SMAD1: variants seen among roughly 807,000 people sequenced by gnomAD.
The protein encoded by SMAD1 is MAD, mothers against decapentaplegic homolog 1.
A neutral mutation model predicts 41.6 loss-of-function variants in SMAD1; 6 were observed. The ratio of observed to expected loss-of-function variants is 0.14; its 90% CI spans 0.08 to 0.28. The LOEUF (loss-of-function observed/expected upper bound fraction) is 0.28, where lower values mean the gene tolerates loss of function less well. SMAD1 is among the 10% of genes least tolerant of loss of function. The pLI is 1.00. For synonymous variants in SMAD1, 206 were observed against 203.2 expected, an observed-to-expected ratio of 1.01 and a Z score of -0.12; for missense variants, 379 against 582.6, an observed-to-expected ratio of 0.65 and a Z score of 3.60.
At chr4:145,556,035 A>G (rs1199193331) in intron 6 of SMAD1, among the ~76,000 whole-genome samples, 1 of 152,242 alleles carries the variant, frequency 6.6e-6, no homozygotes, top group African/African-American at 2.4e-5. Flanking sequence ...TATTATAAGG[A>G]CTGCATACTT....
At chr4:145,505,732 C>G (rs770290673) in intron 1 of SMAD1, among the ~76,000 whole-genome samples, 4 of 151,950 alleles carry the variant, frequency 2.6e-5, no homozygotes, top group Non-Finnish European at 4.4e-5. Flanking sequence ...TGTGTATTCA[C>G]AAGACCAGTC....
At chr4:145,492,370 A>G (rs1013071434) in intron 1 of SMAD1, among the ~76,000 whole-genome samples, 1 of 152,204 alleles carries the variant, frequency 6.6e-6, no homozygotes, top group African/African-American at 2.4e-5. Context: ...TTTGGATTCA[A>G]TTAATTTGCT....
intron 1 of SMAD1, among the ~76,000 whole-genome samples, chr4:145,493,266 CAGT>C (rs1728873668): frequency 6.6e-6 from 1 of 152,094 alleles, no homozygotes; most frequent in Non-Finnish European, 1.5e-5. Flanking sequence ...TTATCAGAGA[CAGT>C]AGTTTTTCAT....
intron 6 of SMAD1, among the ~76,000 whole-genome samples, chr4:145,556,170 A>C (rs548955085): frequency 1.6e-4 from 24 of 152,304 alleles, no homozygotes; most frequent in African/African-American, 5.8e-4. Context: ...AATTATTTGT[A>C]CTTTAAATTC....
At position 145,542,599 on chromosome 4, in the gene SMAD1, G is replaced by A; in HGVS notation, c.676G>A (p.Ala226Thr). The A allele has an allele frequency of 6.2e-7, 1 of 1,608,854 alleles. No individual in the cohort carries two copies. Among genetic ancestry groups the A allele is most frequent in the Non-Finnish European group, 8.5e-7 (1 of 1,177,944 alleles). Residue 226 changes from alanine (A) to threonine (T), a missense_variant, in exon 4 of 7, where the codon GCT becomes ACT. Around this residue, in one of 3 missense-constraint regions of SMAD1, gnomAD observed 208 missense variants for 210.5 expected, o/e 0.99. Transcript: ENST00000302085. ...CTTTGTAGCTGATACGCCCCCACCT[G>A]CTTACCTGCCTCCTGAAGACCCCAT... is the stretch of plus-strand genomic sequence containing the variant. ...FQMPADTPPP[A>T]YLPPEDPMTQ...
intron 2 of SMAD1, among the ~76,000 whole-genome samples, chr4:145,520,789 T>C (rs1730704468): frequency 6.6e-6 from 1 of 152,222 alleles, no homozygotes; most frequent in Non-Finnish European, 1.5e-5. Flanking sequence ...ACAAAAGTAA[T>C]ATTACGGACG....
intron 5 of SMAD1, among the ~76,000 whole-genome samples, chr4:145,548,536 C>A (rs776558511): frequency 1.3e-5 from 2 of 152,026 alleles, no homozygotes; most frequent in African/African-American, 4.8e-5. Flanking sequence ...GGCCTCAGTA[C>A]GGTATTGAAT....
At chr4:145,495,251 G>A (rs1729004890) in intron 1 of SMAD1, among the ~76,000 whole-genome samples, 2 of 152,116 alleles carry the variant, frequency 1.3e-5, no homozygotes, top group South Asian at 4.1e-4. Flanking sequence ...GAGACAGATG[G>A]GGTAACTGAA....
intron 2 of SMAD1, among the ~76,000 whole-genome samples, chr4:145,518,920 G>A (rs1183064975): frequency 1.6e-5 from 2 of 124,796 alleles, no homozygotes; most frequent in Non-Finnish European, 3.9e-5. Context: ...ATATATTTGT[G>A]GAATACAGTG....
chr4:145,481,148 G>T (rs956520230), upstream of SMAD1: 1 of 152,038 alleles, frequency 6.6e-6, no homozygotes, highest in African/African-American at 2.4e-5. Context: ...GTAGAAATTG[G>T]ACCAAAAATG....
rs1553946486 is a variant in SMAD1 at position 145,519,664 on chromosome 4, A to AG, written c.400+4651_400+4652insG. 1.2e-3 allele frequency among the ~76,000 whole-genome samples: 185 copies of AG among 148,396 alleles called. 1 individual carries two copies. The highest frequency in any genetic ancestry group is 1.3e-3 in the Non-Finnish European group (86 of 67,224). ...GAGACTCTGTATCAAAAAAAAAAAA[A>AG]AACCCACTTTTTTAGCAATTTTGAA... On this transcript the variant is annotated intron_variant, in intron 2 of 6. Transcript: ENST00000302085.
upstream of SMAD1, chr4:145,481,691 G>A (rs559525126): frequency 6.2e-6 from 1 of 160,960 alleles, no homozygotes; most frequent in Non-Finnish European, 1.3e-5. Context: ...ACGCCGGCCG[G>A]GCCGGGAATT....
intron 1 of SMAD1, among the ~76,000 whole-genome samples, chr4:145,488,321 A>G (rs1728592000): frequency 6.6e-6 from 1 of 152,088 alleles, no homozygotes; most frequent in South Asian, 2.1e-4. Flanking sequence ...CTCTCTGTTG[A>G]TTCAGAATAT....
At chr4:145,505,049 G>C (rs1052905385) in intron 1 of SMAD1, among the ~76,000 whole-genome samples, 1 of 152,088 alleles carries the variant, frequency 6.6e-6, no homozygotes, top group Admixed American at 6.5e-5. Flanking sequence ...GAATTTTTCA[G>C]GTGTCTTTAT....
chr4:145,493,159 G>A (rs919338486), intron 1 of SMAD1, among the ~76,000 whole-genome samples: 3 of 152,152 alleles, frequency 2.0e-5, no homozygotes, highest in East Asian at 1.9e-4. Flanking sequence ...CTGGGAGTAC[G>A]GGCCCTGAAG....
rs1731831495 is a variant in SMAD1, at chr4:145,539,996, G to A, written c.593G>A (p.Ser198Asn). The A allele has an allele frequency of 3.1e-6, 5 of 1,613,846 alleles. No individual in the cohort carries two copies. The highest frequency in any genetic ancestry group is 1.7e-5 in the Admixed American group (1 of 59,966). ...PNSSYPNSPG[S>N]SSSTYPHSPT... ...AGCAGTTACCCAAACTCTCCTGGGAGCAGCAGCAGCACCTACCCTCACTCT... is the reference window on the plus strand; with the variant it reads ...AGCAGTTACCCAAACTCTCCTGGGAACAGCAGCAGCACCTACCCTCACTCT... The change falls in exon 3 of 7, where the codon AGC becomes AAC. Residue 198 changes from serine (S) to asparagine (N), a missense_variant. By Grantham distance (46) the Ser-to-Asn change is conservative (BLOSUM62 1). This residue lies in a region of SMAD1 where 208 missense variants were observed against 210.5 expected (regional missense o/e 0.99). Transcript: ENST00000302085.
chr4:145,490,471 G>A (rs1464326698), intron 1 of SMAD1, among the ~76,000 whole-genome samples: 1 of 152,146 alleles, frequency 6.6e-6, no homozygotes, highest in South Asian at 2.1e-4. Context: ...ACAATTGGGG[G>A]GAAACCTGGG....
intron 2 of SMAD1, among the ~76,000 whole-genome samples, chr4:145,533,507 G>A (rs371365449): frequency 6.6e-5 from 10 of 151,426 alleles, no homozygotes; most frequent in African/African-American, 1.7e-4. Flanking sequence ...GCAACATAGC[G>A]AGACCCTGTC....
intron 6 of SMAD1, among the ~76,000 whole-genome samples, chr4:145,556,254 A>G (rs538097615): frequency 1.3e-5 from 2 of 152,300 alleles, no homozygotes; most frequent in African/African-American, 4.8e-5. Context: ...ATTATGCTGT[A>G]TATTGGAGGT....
Sources: gnomAD v4.1 joint callset for allele counts (sites outside exome capture counted in the v4.1 genomes callset) on GRCh38, gnomAD v4.1.1 for gene constraint, gnomAD v4.1.1 regional missense constraint, MANE v1.5 for transcripts, NCBI Gene and HGNC (gene_info 2026-07-23, HGNC 2026-07-21) for gene names.